The following NR2F1-AS1 variants were observed in gnomAD, a reference collection of about 807,000 sequenced individuals.
NR2F1-AS1 encodes NR2F1 regulatory antisense RNA 1.
chr5:93,492,027 T>C (rs978490355), intron 4 of NR2F1-AS1, among the ~76,000 whole-genome samples: 5 of 152,146 alleles, frequency 3.3e-5, no homozygotes, highest in African/African-American at 1.2e-4. Context: ...CCCTGACTAA[T>C]ACATCAACTA....
At position 93,468,226 on chromosome 5, in the gene NR2F1-AS1, C is replaced by T. The variant is rs568309372; in HGVS notation, n.639-72684G>A. Among the ~76,000 whole-genome samples, 3 of 152,270 alleles carry T rather than the reference C, an allele frequency of 2.0e-5. No individual in the cohort carries two copies. In the South Asian group the frequency reaches 6.2e-4, roughly 32 times the overall value. ...CTAGTTCTAGATCCTTGAGGAATTG[C>T]CACACTGTCTTCCACAATGGTTGAA... On this transcript the variant is annotated intron_variant and non_coding_transcript_variant, in intron 4 of 5. Coordinates refer to ENST00000660523, the Ensembl canonical transcript of NR2F1-AS1.
chr5:93,511,437 T>C (rs1160906057), intron 4 of NR2F1-AS1, among the ~76,000 whole-genome samples: 2 of 152,184 alleles, frequency 1.3e-5, no homozygotes, highest in Non-Finnish European at 2.9e-5. Context: ...AAGGAGCAGA[T>C]CACAGGACTT....
chr5:93,545,729 T>C (rs1319732094), intron 4 of NR2F1-AS1, among the ~76,000 whole-genome samples: 2 of 152,256 alleles, frequency 1.3e-5, no homozygotes, highest in Admixed American at 1.3e-4. Context: ...CTACTTAACC[T>C]ACTCTTCTTT....
intron 4 of NR2F1-AS1, among the ~76,000 whole-genome samples, chr5:93,544,210 A>G (rs1268960646): frequency 1.3e-5 from 2 of 152,248 alleles, no homozygotes; most frequent in East Asian, 1.9e-4. Context: ...TGATTATATG[A>G]GGAACCATAG....
intron 4 of NR2F1-AS1, among the ~76,000 whole-genome samples, chr5:93,421,628 TCCATG>T: frequency 6.6e-6 from 1 of 152,260 alleles, no homozygotes; most frequent in South Asian, 2.1e-4. Flanking sequence ...CCAGGGAGGA[TCCATG>T]ATGGTGATTA....
chr5:93,446,759 A>G (rs180770293), intron 4 of NR2F1-AS1, among the ~76,000 whole-genome samples: 113 of 152,318 alleles, frequency 7.4e-4, no homozygotes, highest in Non-Finnish European at 1.2e-3. Flanking sequence ...ATCCTAAGCC[A>G]AAAGAACAAA....
At chr5:93,574,919 T>G (rs1240324768) in intron 1 of NR2F1-AS1, among the ~76,000 whole-genome samples, 1 of 152,168 alleles carries the variant, frequency 6.6e-6, no homozygotes, top group African/African-American at 2.4e-5. Flanking sequence ...ACATATCCGT[T>G]GGGGTTCAGA....
Position 93,427,164 on chromosome 5 carries a change from G to T in NR2F1-AS1, n.639-31622C>A, listed in dbSNP as rs1022414947. Among the ~76,000 whole-genome samples, 3 of 151,944 alleles carry T rather than the reference G, an allele frequency of 2.0e-5. No individual in the cohort carries two copies. The South Asian group carries it at 6.2e-4, about 32-fold the overall frequency. The stretch of plus-strand genomic sequence containing the variant: ...GTAAACAAATTTCCTCCTTACCTAA[G>T]GATACAATTTTTTTAAGTGAAAAAA... On this transcript the variant is annotated intron_variant and non_coding_transcript_variant, in intron 4 of 5. Coordinates refer to ENST00000660523, the Ensembl canonical transcript of NR2F1-AS1.
At chr5:93,499,874 G>A (rs1032912155) in intron 4 of NR2F1-AS1, among the ~76,000 whole-genome samples, 1 of 152,212 alleles carries the variant, frequency 6.6e-6, no homozygotes, top group Non-Finnish European at 1.5e-5. Flanking sequence ...GGCCTGGATA[G>A]AAGATCAAAC....
At chr5:93,540,922 A>G (rs1442366058) in intron 4 of NR2F1-AS1, among the ~76,000 whole-genome samples, 1 of 152,210 alleles carries the variant, frequency 6.6e-6, no homozygotes, top group Admixed American at 6.5e-5. Flanking sequence ...TGACACACAT[A>G]TTACTGGTTT....
At chr5:93,485,763 G>A (rs1750700179) in intron 4 of NR2F1-AS1, among the ~76,000 whole-genome samples, 1 of 151,686 alleles carries the variant, frequency 6.6e-6, no homozygotes, top group Non-Finnish European at 1.5e-5. Flanking sequence ...CCATTACTGG[G>A]TATATACCCA....
intron 4 of NR2F1-AS1, among the ~76,000 whole-genome samples, chr5:93,484,256 G>A (rs1750667859): frequency 6.6e-6 from 1 of 152,166 alleles, no homozygotes; most frequent in African/African-American, 2.4e-5. Context: ...GGATCTCTCT[G>A]CAGAAACCCT....
At chr5:93,502,608 A>G (rs531477618) in intron 4 of NR2F1-AS1, among the ~76,000 whole-genome samples, 27 of 152,216 alleles carry the variant, frequency 1.8e-4, no homozygotes, top group Non-Finnish European at 3.1e-4. Flanking sequence ...TATTCAAAAG[A>G]TGGCTTATTC....
chr5:93,502,094 GT>G (rs544224357), intron 4 of NR2F1-AS1, among the ~76,000 whole-genome samples: 1 of 152,038 alleles, frequency 6.6e-6, no homozygotes, highest in Non-Finnish European at 1.5e-5. Flanking sequence ...TATGTAAACT[GT>G]TTTTTTAGAC....
At chr5:93,481,087 T>A (rs1750590398) in intron 4 of NR2F1-AS1, among the ~76,000 whole-genome samples, 1 of 152,078 alleles carries the variant, frequency 6.6e-6, no homozygotes, top group African/African-American at 2.4e-5. Context: ...AAAAATTTTT[T>A]AAAAACATGA....
In NR2F1-AS1 at chr5:93,502,127, T is replaced by C. The variant is rs78553881; in HGVS notation, n.638+51634A>G. On this transcript the variant is annotated intron_variant and non_coding_transcript_variant, in intron 4 of 5. Coordinates refer to ENST00000660523, the Ensembl canonical transcript of NR2F1-AS1. ...AGACATAATGTTTTTCTACTGCACA[T>C]ATATAAATAGACTGCAGTATAGTGT... 3.2e-3 allele frequency among the ~76,000 whole-genome samples: 487 copies of C among 152,330 alleles called. 1 individual carries two copies. Among genetic ancestry groups the C allele is most frequent in the African/African-American group, 0.011 (472 of 41,582 alleles).
intron 4 of NR2F1-AS1, among the ~76,000 whole-genome samples, chr5:93,547,759 T>A (rs1439135985): frequency 6.6e-6 from 1 of 152,306 alleles, no homozygotes; most frequent in Admixed American, 6.5e-5. Context: ...TACCAGATAC[T>A]ATTTAAAACC....
intron 4 of NR2F1-AS1, among the ~76,000 whole-genome samples, chr5:93,472,866 T>G (rs184560657): frequency 6.6e-6 from 1 of 152,094 alleles, no homozygotes; most frequent in Non-Finnish European, 1.5e-5. Flanking sequence ...TTTCCTATTT[T>G]GGATATTTGA....
intron 4 of NR2F1-AS1, among the ~76,000 whole-genome samples, chr5:93,466,632 C>T (rs372514128): frequency 8.5e-5 from 13 of 152,050 alleles, no homozygotes; most frequent in African/African-American, 3.1e-4. Flanking sequence ...GCCACCACAC[C>T]CAACCTAGAA....
Sources: gnomAD v4.1 joint callset for allele counts (sites outside exome capture counted in the v4.1 genomes callset) on GRCh38, gnomAD v4.1.1 for gene constraint, MANE v1.5 for transcripts, NCBI Gene and HGNC (gene_info 2026-07-23, HGNC 2026-07-21) for gene names.